SMOC2: variants seen among roughly 807,000 people sequenced by gnomAD.
The protein encoded by SMOC2 is SPARC related modular calcium binding 2.
A neutral mutation model predicts 61.4 loss-of-function variants in SMOC2; 39 were observed. The ratio of observed to expected loss-of-function variants is 0.64; its 90% CI spans 0.49 to 0.83. The LOEUF (loss-of-function observed/expected upper bound fraction) is 0.83, where lower values mean the gene tolerates loss of function less well. SMOC2 is among the 40% of genes least tolerant of loss of function. The probability of loss-of-function intolerance (pLI) is 0.00; values close to 1 mark genes in which losing one functional copy is unlikely to be tolerated. For missense variants in SMOC2, 556 were observed against 592.9 expected (o/e 0.94, Z 0.65); for synonymous variants, 247 against 239.9 (o/e 1.03, Z -0.27).
chr6:168,606,622 T>G (rs1217114463), intron 8 of SMOC2, among the ~76,000 whole-genome samples: 1 of 152,192 alleles, frequency 6.6e-6, no homozygotes, highest in Non-Finnish European at 1.5e-5. Flanking sequence ...AAATAGAACC[T>G]AAAGTGATCT....
At chr6:168,640,605 C>T (rs534571951) in intron 9 of SMOC2, among the ~76,000 whole-genome samples, 6 of 152,174 alleles carry the variant, frequency 3.9e-5, no homozygotes, top group African/African-American at 9.6e-5. Context: ...ATTGGAGCTA[C>T]GAAATATTTA....
chr6:168,641,266 G>C (rs766509567), intron 9 of SMOC2, among the ~76,000 whole-genome samples: 1 of 152,056 alleles, frequency 6.6e-6, no homozygotes, highest in East Asian at 1.9e-4. Flanking sequence ...ACATCAGCCT[G>C]ATCTCCCCTC....
chr6:168,458,833 C>G (rs1004034818), intron 1 of SMOC2, among the ~76,000 whole-genome samples: 1 of 152,186 alleles, frequency 6.6e-6, no homozygotes, highest in African/African-American at 2.4e-5. Context: ...GTAAAGGAGG[C>G]AGAGAGCAGG....
At chr6:168,519,002 TGTGAGTATGCGTGCATGC>T (rs1189096291) in intron 2 of SMOC2, among the ~76,000 whole-genome samples, 7 of 147,970 alleles carry the variant, frequency 4.7e-5, no homozygotes, top group South Asian at 2.2e-4. Context: ...TGCGTGCATG[TGTGAGTATGCGTGCATGC>T]GAACATGTGT....
chr6:168,459,608 G>A (rs1489999112), intron 1 of SMOC2, among the ~76,000 whole-genome samples: 1 of 139,432 alleles, frequency 7.2e-6, no homozygotes, highest in African/African-American at 2.7e-5. Flanking sequence ...GAGCACTGGG[G>A]TGGGTGAGCC....
chr6:168,445,793 A>G (rs1030065604), intron 1 of SMOC2, among the ~76,000 whole-genome samples: 1 of 152,248 alleles, frequency 6.6e-6, no homozygotes, highest in Non-Finnish European at 1.5e-5. Flanking sequence ...GGCGTCTAAA[A>G]ACCCAAACAT....
chr6:168,608,978 C>T (rs1785783445), intron 9 of SMOC2, among the ~76,000 whole-genome samples: 1 of 152,168 alleles, frequency 6.6e-6, no homozygotes, highest in Non-Finnish European at 1.5e-5. Context: ...GATGAGTAAA[C>T]TTTTGTGCTT....
At chr6:168,504,792 C>T (rs1231491970) in intron 1 of SMOC2, among the ~76,000 whole-genome samples, 1 of 152,192 alleles carries the variant, frequency 6.6e-6, no homozygotes, top group East Asian at 1.9e-4. Flanking sequence ...ATCCCATCCT[C>T]CTGGAGGCTG....
intron 4 of SMOC2, among the ~76,000 whole-genome samples, chr6:168,537,298 C>T (rs1783755850): frequency 6.6e-6 from 1 of 152,148 alleles, no homozygotes; most frequent in South Asian, 2.1e-4. Flanking sequence ...GAAAGCCGGT[C>T]CTATTTAGAG....
chr6:168,594,137 G>C (rs1785251095), intron 7 of SMOC2, among the ~76,000 whole-genome samples: 1 of 38,292 alleles, frequency 2.6e-5, no homozygotes, highest in African/African-American at 9.9e-5. Flanking sequence ...GGATCGCGGA[G>C]CTCCTCCTCC....
At chr6:168,518,570 T>G (rs1351330804) in intron 2 of SMOC2, among the ~76,000 whole-genome samples, 1 of 149,536 alleles carries the variant, frequency 6.7e-6, no homozygotes, top group Non-Finnish European at 1.5e-5. Context: ...TGCATGTATG[T>G]GACAATGCAT....
At chr6:168,664,384 C>CTTTTTTT (rs750178882) in intron 12 of SMOC2, 3 of 283,094 alleles carry the variant, frequency 1.1e-5, no homozygotes, top group African/African-American at 7.9e-5. Context: ...TTTGGTAGAT[C>CTTTTTTT]TTTTTTTTTT....
chr6:168,612,851 G>T (rs538905294), intron 9 of SMOC2, among the ~76,000 whole-genome samples: 4 of 152,194 alleles, frequency 2.6e-5, no homozygotes, highest in African/African-American at 4.8e-5. Context: ...AGGCCCAGTC[G>T]CCGGCAGGTT....
intron 1 of SMOC2, among the ~76,000 whole-genome samples, chr6:168,477,652 G>A (rs943041450): frequency 2.0e-5 from 3 of 152,186 alleles, no homozygotes; most frequent in East Asian, 3.9e-4. Context: ...TTGTCTGTGC[G>A]CCCTCACTGT....
At chr6:168,465,408 A>C (rs1781805476) in intron 1 of SMOC2, among the ~76,000 whole-genome samples, 1 of 152,060 alleles carries the variant, frequency 6.6e-6, no homozygotes, top group Non-Finnish European at 1.5e-5. Flanking sequence ...TCGAATGGTC[A>C]AGATTTAGAT....
intron 1 of SMOC2, among the ~76,000 whole-genome samples, chr6:168,502,613 A>G (rs943507637): frequency 4.6e-5 from 7 of 152,214 alleles, no homozygotes; most frequent in African/African-American, 1.4e-4. Context: ...GACCTACATT[A>G]TCACCACTTT....
chr6:168,556,682 G>C (rs1784260417), intron 7 of SMOC2, among the ~76,000 whole-genome samples: 2 of 151,454 alleles, frequency 1.3e-5, no homozygotes, highest in African/African-American at 4.9e-5. Context: ...GCCATGTTGT[G>C]CTGCACCCAT....
intron 9 of SMOC2, among the ~76,000 whole-genome samples, chr6:168,648,458 C>T (rs1441695558): frequency 6.6e-6 from 1 of 152,224 alleles, no homozygotes; most frequent in Non-Finnish European, 1.5e-5. Flanking sequence ...AGTCCTGCAG[C>T]TGGGGAGCTC....
intron 1 of SMOC2, among the ~76,000 whole-genome samples, chr6:168,441,675 G>T (rs1029672991): frequency 2.5e-4 from 38 of 152,286 alleles, no homozygotes; most frequent in Middle Eastern, 3.4e-3. Context: ...GACCCTGCCC[G>T]CCGGGGTCCT....
Sources: gnomAD v4.1 joint callset for allele counts (sites outside exome capture counted in the v4.1 genomes callset) on GRCh38, gnomAD v4.1.1 for gene constraint, MANE v1.5 for transcripts, NCBI Gene and HGNC (gene_info 2026-07-23, HGNC 2026-07-21) for gene names.